RHOT1: variants seen among roughly 807,000 people sequenced by gnomAD.
RHOT1 encodes mitochondrial Rho GTPase 1.
In RHOT1, 27 loss-of-function variants were observed where a neutral mutation model predicts 95.3. The ratio of observed to expected loss-of-function variants is 0.28; its 90% CI spans 0.21 to 0.39. The LOEUF (loss-of-function observed/expected upper bound fraction) is 0.39. Ranked by LOEUF, RHOT1 falls within the 10% of genes least tolerant of loss-of-function variation. The probability of loss-of-function intolerance (pLI) is 1.00; values close to 1 mark genes in which losing one functional copy is unlikely to be tolerated. For missense variants in RHOT1, 578 were observed against 786.7 expected, an observed-to-expected ratio of 0.73 and a Z score of 3.17; for synonymous variants, 227 against 263.5, an observed-to-expected ratio of 0.86 and a Z score of 1.34.
intron 13 of RHOT1, 142 bp from the exon 14 acceptor site, chr17:32,200,814 G>A: frequency 1.7e-6 from 1 of 575,200 alleles, no homozygotes; most frequent in East Asian, 3.1e-5. Context: ...GAAAAACTAT[G>A]GTTGGGCTCA....
chr17:32,173,275 A>G (rs1013856316), intron 2 of RHOT1, among the ~76,000 whole-genome samples: 2 of 152,220 alleles, frequency 1.3e-5, no homozygotes, highest in African/African-American at 4.8e-5. Context: ...GAAGTGTTTC[A>G]GATTTCAGAT....
chr17:32,155,995 T>C (rs1309019399), intron 1 of RHOT1, among the ~76,000 whole-genome samples: 1 of 152,156 alleles, frequency 6.6e-6, no homozygotes, highest in Non-Finnish European at 1.5e-5. Context: ...AATACTACCT[T>C]GAGCTAGCTG....
At chr17:32,185,296 TATGGGGTTTCTCTATG>T (rs1253394753) in intron 8 of RHOT1, among the ~76,000 whole-genome samples, 1 of 151,912 alleles carries the variant, frequency 6.6e-6, no homozygotes, top group Non-Finnish European at 1.5e-5. Context: ...TTTTAATAGT[TATGGGGTTTCTCTATG>T]TTGGTCAGGC....
intron 2 of RHOT1, among the ~76,000 whole-genome samples, chr17:32,172,478 AT>A (rs2034656861): frequency 6.6e-6 from 1 of 152,190 alleles, no homozygotes; most frequent in African/African-American, 2.4e-5. Context: ...ATTGTAAGTA[AT>A]CTAGAAGGGT....
chr17:32,203,944 T>G lies in RHOT1; in HGVS notation c.1387T>G (p.Tyr463Asp). The part of the protein sequence containing the change: ...HKSYYAINTV[Y>D]VYGQEKYLLL... ...ATCCTACTATGCGATTAACACTGTT[T>G]ATGTATATGGACAAGAGAAATACTT... Residue 463 changes from tyrosine (Y) to aspartate (D), a missense_variant, in exon 16 of 20, where the codon TAT becomes GAT. Around this residue, in one of 4 missense-constraint regions of RHOT1, gnomAD observed 296 missense variants for 338.5 expected, o/e 0.87. Transcript: ENST00000545287. The G allele has an allele frequency of 6.2e-7, 1 of 1,612,028 alleles. No individual in the cohort carries two copies. Among genetic ancestry groups the G allele is most frequent in the Non-Finnish European group, 8.5e-7 (1 of 1,178,860 alleles).
At chr17:32,202,643 G>T in intron 14 of RHOT1, 127 bp from the exon 15 acceptor site, 1 of 657,384 alleles carries the variant, frequency 1.5e-6, no homozygotes, top group Non-Finnish European at 2.5e-6. Flanking sequence ...CAATATGTTT[G>T]TTTATAGATC....
intron 1 of RHOT1, among the ~76,000 whole-genome samples, chr17:32,156,391 C>G (rs2032967598): frequency 6.6e-6 from 1 of 152,084 alleles, no homozygotes; most frequent in African/African-American, 2.4e-5. Context: ...CTCAGCCTCT[C>G]AAGTAGCTGG....
At chr17:32,162,761 A>C (rs571807750) in intron 1 of RHOT1, among the ~76,000 whole-genome samples, 49 of 152,340 alleles carry the variant, frequency 3.2e-4, no homozygotes, top group African/African-American at 1.2e-3. Context: ...ATACATATTA[A>C]GTATGTATCT....
intron 8 of RHOT1, among the ~76,000 whole-genome samples, chr17:32,189,247 C>T (rs113072493): frequency 1.3e-5 from 2 of 152,062 alleles, no homozygotes; most frequent in African/African-American, 2.4e-5. Flanking sequence ...TGCAGTGAGC[C>T]GAGATCGTGC....
At chr17:32,143,118 T>A in intron 1 of RHOT1, 1 of 558,296 alleles carries the variant, frequency 1.8e-6, no homozygotes, top group South Asian at 1.5e-5. Flanking sequence ...TCAGACCTTC[T>A]TGTCTTCTGG....
chr17:32,217,335 A>AT (rs1270499637), intron 19 of RHOT1, among the ~76,000 whole-genome samples: 3 of 152,222 alleles, frequency 2.0e-5, no homozygotes, highest in Middle Eastern at 3.2e-3. Context: ...CCTATTAAAT[A>AT]TTTATCCTAA....
chr17:32,182,450 C>A (rs1384113641), intron 6 of RHOT1, among the ~76,000 whole-genome samples: 2 of 152,282 alleles, frequency 1.3e-5, no homozygotes, highest in African/African-American at 4.8e-5. Flanking sequence ...CCTGCCACTG[C>A]ACTCCAGCCT....
At chr17:32,185,965 C>G (rs901461242) in intron 8 of RHOT1, among the ~76,000 whole-genome samples, 1 of 151,984 alleles carries the variant, frequency 6.6e-6, no homozygotes, top group African/African-American at 2.4e-5. Context: ...AAGCAATTCT[C>G]CCATCTCAAG....
At chr17:32,185,926 TGCCCAG>T (rs978688555) in intron 8 of RHOT1, among the ~76,000 whole-genome samples, 4 of 151,972 alleles carry the variant, frequency 2.6e-5, no homozygotes, top group African/African-American at 4.8e-5. Context: ...CTCACTATGT[TGCCCAG>T]GCTGGTCTCA....
chr17:32,215,730 A>G (rs890440175), intron 19 of RHOT1, among the ~76,000 whole-genome samples: 1 of 152,226 alleles, frequency 6.6e-6, no homozygotes, highest in African/African-American at 2.4e-5. Flanking sequence ...TATAGAAAGA[A>G]TGAATTAAAA....
rs34122496 is a variant in RHOT1, at chr17:32,183,610, C to T, written c.540+338C>T. On this transcript the variant is annotated intron_variant, in intron 8 of 19. Transcript: ENST00000545287. ...TAAAATCTACAAACTGAAAAACACA[C>T]ACAAATAAAAACATTATGTAGTTTT... Among the ~76,000 whole-genome samples the T allele has an allele frequency of 6.3e-3, 955 of 152,304 alleles. 13 individuals are homozygous for T. Among genetic ancestry groups the T allele is most frequent in the African/African-American group, 0.021 (866 of 41,576 alleles).
At chr17:32,183,424 T>A (rs2035792839) in intron 8 of RHOT1, 152 bp downstream of exon 8, 1 of 421,594 alleles carries the variant, frequency 2.4e-6, no homozygotes, top group African/African-American at 2.1e-5. Flanking sequence ...GTACTCTTCT[T>A]CAATGACATT....
chr17:32,173,384 A>G lies in RHOT1; in HGVS notation c.97-447A>G, dbSNP rs562562245. Among the ~76,000 whole-genome samples the G allele has an allele frequency of 3.9e-5, 6 of 152,290 alleles. No homozygotes were observed. In the South Asian group the frequency reaches 1.2e-3, roughly 32 times the overall value. On this transcript the variant is annotated intron_variant, in intron 2 of 19. Coordinates refer to ENST00000545287, the MANE Select transcript of RHOT1 (RefSeq NM_001033566.3). ...CCAATGAACATTTCCTTTGAGTATC[A>G]TGTTAGTGCTAAAAAGTTTAGAATT...
chr17:32,194,234 T>C, intron 11 of RHOT1, 127 bp downstream of exon 11: 1 of 901,720 alleles, frequency 1.1e-6, no homozygotes, highest in Non-Finnish European at 1.7e-6. Flanking sequence ...GCCTCCCAAA[T>C]TGCTGTGATT....
Sources: allele counts gnomAD v4.1 joint callset (sites outside exome capture counted in the v4.1 genomes callset), GRCh38; gene constraint gnomAD v4.1.1; regional missense constraint gnomAD v4.1.1; transcripts MANE v1.5; gene names NCBI Gene and HGNC (gene_info 2026-07-23, HGNC 2026-07-21).